BPGM: variants seen among roughly 807,000 people sequenced by gnomAD.
The protein encoded by BPGM is bisphosphoglycerate mutase.
BPGM carries 15 observed loss-of-function variants against 21.6 expected under a neutral mutation model. The observed-to-expected ratio is 0.70, with a 90% CI of 0.47 to 1.07. The LOEUF is 1.07. Among genes scored for constraint, BPGM ranks in the 50% least tolerant of loss-of-function variants. The pLI, the probability that BPGM is intolerant of heterozygous loss-of-function variation, is 0.00. For synonymous variants in BPGM, 113 were observed against 116.2 expected, an observed-to-expected ratio of 0.97 and a Z score of 0.18; for missense variants, 273 against 319.0, an observed-to-expected ratio of 0.86 and a Z score of 1.10.
At chr7:134,659,169 G>A (rs1429100109) in intron 1 of BPGM, among the ~76,000 whole-genome samples, 5 of 152,246 alleles carry the variant, frequency 3.3e-5, no homozygotes, top group East Asian at 1.9e-4. Flanking sequence ...GAGGGTGAAG[G>A]TAGAGGAACA....
At chr7:134,656,283 G>A (rs1380806162) in intron 1 of BPGM, among the ~76,000 whole-genome samples, 1 of 152,196 alleles carries the variant, frequency 6.6e-6, no homozygotes, top group African/African-American at 2.4e-5. Context: ...TGGCTATGGA[G>A]CACTTGAAAT....
At chr7:134,654,149 C>T (rs1186754344) in intron 1 of BPGM, among the ~76,000 whole-genome samples, 1 of 151,326 alleles carries the variant, frequency 6.6e-6, no homozygotes, top group Non-Finnish European at 1.5e-5. Context: ...CACACACGTA[C>T]TGAAGATGAA....
intron 1 of BPGM, among the ~76,000 whole-genome samples, chr7:134,654,023 A>T (rs1795596925): frequency 6.6e-6 from 1 of 152,144 alleles, no homozygotes; most frequent in Admixed American, 6.5e-5. Context: ...CAGCTTAAAA[A>T]ATACTGTGTC....
At chr7:134,654,124 A>G (rs1795598804) in intron 1 of BPGM, among the ~76,000 whole-genome samples, 1 of 104,386 alleles carries the variant, frequency 9.6e-6, no homozygotes, top group Admixed American at 9.4e-5. Context: ...TTTGAGTTTT[A>G]GGTACACACA....
intron 1 of BPGM, among the ~76,000 whole-genome samples, chr7:134,647,600 C>G (rs1033521161): frequency 3.3e-5 from 5 of 152,166 alleles, no homozygotes; most frequent in African/African-American, 9.7e-5. Context: ...TGGTTGTTAG[C>G]TAACTTATAA....
chr7:134,658,889 TG>T (rs1455193833), intron 1 of BPGM, among the ~76,000 whole-genome samples: 1 of 137,018 alleles, frequency 7.3e-6, no homozygotes, highest in Non-Finnish European at 1.5e-5. Flanking sequence ...TGTGTGTGTG[TG>T]TATTTTTTTT....
intron 2 of BPGM, among the ~76,000 whole-genome samples, chr7:134,674,808 A>T (rs1795962265): frequency 6.6e-6 from 1 of 152,174 alleles, no homozygotes; most frequent in Non-Finnish European, 1.5e-5. Context: ...CATATGGTAG[A>T]TCTGTGTTTA....
At position 134,679,001 on chromosome 7, in the gene BPGM, T is replaced by G; in HGVS notation, c.750T>G (p.Asp250Glu). Residue 250 changes from aspartate to glutamate, a missense_variant, in exon 3 of 3, where the codon GAT (aspartate) becomes GAG (glutamate). By Grantham distance (45) the Asp-to-Glu change is conservative. Coordinates refer to ENST00000344924, the MANE Select transcript of BPGM (RefSeq NM_001724.5). ...AAGCAGCCATTAAGAAAGTAGAAGATCAAGGAAAAGTGAAACAAGCTAAAA... is the reference window on the plus strand; with the variant it reads ...AAGCAGCCATTAAGAAAGTAGAAGAGCAAGGAAAAGTGAAACAAGCTAAAA... ...AIQAAIKKVEDQGKVKQAKK is the reference protein window; with the variant it reads ...AIQAAIKKVEEQGKVKQAKK The G allele has an allele frequency of 6.2e-7, 1 of 1,614,104 alleles. No individual in the cohort carries two copies. The highest frequency in any genetic ancestry group is 8.5e-7 in the Non-Finnish European group (1 of 1,180,000).
chr7:134,656,011 T>C (rs1042305327), intron 1 of BPGM, among the ~76,000 whole-genome samples: 2 of 151,990 alleles, frequency 1.3e-5, no homozygotes, highest in Non-Finnish European at 2.9e-5. Context: ...TCCCAATGGG[T>C]GAAGAGGAAG....
In BPGM at chr7:134,679,170, T is replaced by G; in HGVS notation, c.*139T>G. ...GAGTTTGTATAGGTAACTAGGTAAC[T>G]TATTGTGGCCCAGATAAGGCTTTAG... On this transcript the variant is annotated 3_prime_UTR_variant, in exon 3 of 3. Coordinates refer to ENST00000344924, the MANE Select transcript of BPGM (RefSeq NM_001724.5). 1.0e-6 allele frequency: 1 copy of G among 961,664 alleles called. No individual in the cohort carries two copies. The highest frequency in any genetic ancestry group is 1.6e-5 in the South Asian group (1 of 63,640). 59.6% of individuals were successfully genotyped at this position (961,664 alleles called of 1,614,324 possible). A position where few individuals can be genotyped will look rare whatever the true frequency, so the allele number is the denominator to read the frequency against.
At chr7:134,664,359 A>G (rs1017919732) in intron 2 of BPGM, among the ~76,000 whole-genome samples, 1 of 152,144 alleles carries the variant, frequency 6.6e-6, no homozygotes, top group African/African-American at 2.4e-5. Context: ...TTTGTCGGCA[A>G]TCTTTGATGT....
At position 134,661,428 on chromosome 7, in the gene BPGM, G is replaced by T; in HGVS notation, c.-61-19G>T. ...TGTCAGTTGAATATAACTTAGACTT[G>T]TTGTTCTTGTCTTTCTAGATGTATT... On this transcript the variant is annotated intron_variant, in intron 1 of 2. Coordinates refer to ENST00000344924, the MANE Select transcript of BPGM (RefSeq NM_001724.5). This position sits in a 1 kb window ranked among gnomAD's most constrained non-coding sequence, Gnocchi z 4.6. 6.3e-7 allele frequency: 1 copy of T among 1,589,448 alleles called. No homozygotes were observed. The highest frequency in any genetic ancestry group is 8.6e-7 in the Non-Finnish European group (1 of 1,159,664).
intron 2 of BPGM, among the ~76,000 whole-genome samples, chr7:134,665,649 G>GGAA (rs1483431127): frequency 1.3e-5 from 1 of 78,192 alleles, no homozygotes; most frequent in African/African-American, 4.1e-5. Context: ...AAAAATTAAT[G>GGAA]AAAAAAAAAA....
chr7:134,667,242 C>G (rs1274326808), intron 2 of BPGM, among the ~76,000 whole-genome samples: 2 of 152,144 alleles, frequency 1.3e-5, no homozygotes, highest in Admixed American at 1.3e-4. Context: ...TATGGTGGTA[C>G]AAAATATAAG....
rs1283788537 is a variant in BPGM at position 134,661,299 on chromosome 7, T to C, written c.-61-148T>C. ...ATTATTAATATCTATAGAATATGCCTGTATGTGTCACAGTGTATGAGTTAT... is the reference window on the plus strand; with the variant it reads ...ATTATTAATATCTATAGAATATGCCCGTATGTGTCACAGTGTATGAGTTAT... On this transcript the variant is annotated intron_variant, in intron 1 of 2. Transcript: ENST00000344924. The surrounding 1 kb of genome is among the most constrained non-coding windows in gnomAD (Gnocchi z 4.6). 3 of 625,372 alleles carry C rather than the reference T, an allele frequency of 4.8e-6. No homozygotes were observed. In the East Asian group the frequency reaches 8.8e-5, roughly 18 times the overall value. 38.7% of individuals were successfully genotyped at this position (625,372 alleles called of 1,614,324 possible).
At position 134,646,897 on chromosome 7, in the gene BPGM, G is replaced by GGCT. The variant is rs147174635; in HGVS notation, c.-79_-77dup. 0.038 allele frequency: 7,134 copies of GGCT among 185,860 alleles called. 171 individuals are homozygous for GGCT. The highest frequency in any genetic ancestry group is 0.1 in the South Asian group (1,283 of 12,718). The allele number at this position is 185,860 out of a possible 1,614,324, so 11.5% of individuals were successfully genotyped here. A position where few individuals can be genotyped will look rare whatever the true frequency, so the allele number is the denominator to read the frequency against. On this transcript the variant is annotated 5_prime_UTR_variant, in exon 1 of 3. Transcript: ENST00000344924. ...TGGCTCTTTGGCGGCTCGGAGGAGCGGCTGCTGCTGCTGCTGCTGCTGCTG... is the reference window on the plus strand; with the variant it reads ...TGGCTCTTTGGCGGCTCGGAGGAGCGGCTGCTGCTGCTGCTGCTGCTGCTGCTG...
At position 134,662,023 on chromosome 7, in the gene BPGM, G is replaced by T. The variant is rs1255917363; in HGVS notation, c.516G>T (p.Arg172Ser). 1 of 1,614,046 alleles carries T rather than the reference G, an allele frequency of 6.2e-7. No homozygotes were observed. Among genetic ancestry groups the T allele is most frequent in the Non-Finnish European group, 8.5e-7 (1 of 1,180,030 alleles). The change falls in exon 2 of 3, where the codon AGG becomes AGT. Residue 172 changes from arginine to serine, a missense_variant. Physicochemically the swap from Arg to Ser is moderately radical, Grantham distance 110 (BLOSUM62 -1). Transcript: ENST00000344924. Reference sequence around the variant, plus strand: ...GACTCCTTCCCTATTGGAATGAAAGGATTGCTCCCGAAGTATTACGTGGCA... The same window carrying T: ...GACTCCTTCCCTATTGGAATGAAAGTATTGCTCCCGAAGTATTACGTGGCA... ...LERLLPYWNE[R>S]IAPEVLRGKT...
chr7:134,666,533 T>A (rs1795824159), intron 2 of BPGM, among the ~76,000 whole-genome samples: 1 of 152,214 alleles, frequency 6.6e-6, no homozygotes, highest in Non-Finnish European at 1.5e-5. Flanking sequence ...TCCGGATTTG[T>A]CCACAGGAAA....
chr7:134,652,670 T>C (rs12674389), intron 1 of BPGM, among the ~76,000 whole-genome samples: 15,105 of 152,232 alleles, frequency 0.099, 1,156 homozygotes, highest in African/African-American at 0.2. Flanking sequence ...ATTCTGCTAT[T>C]GCAATACATT....
Sources: gnomAD v4.1 joint callset for allele counts (sites outside exome capture counted in the v4.1 genomes callset) on GRCh38, gnomAD v4.1.1 for gene constraint, Gnocchi (gnomAD v3.1) non-coding constraint, MANE v1.5 for transcripts, NCBI Gene and HGNC (gene_info 2026-07-23, HGNC 2026-07-21) for gene names.